Variants in HLTF observed in about 807,000 individuals in gnomAD.
HLTF encodes helicase like transcription factor, also known as DNA-dependent ATPase/E3 ubiquitin-protein ligase HLTF.
Under a neutral mutation model 129.4 loss-of-function variants are expected in HLTF, and 127 were observed. That is an observed-to-expected ratio of 0.98 (90% CI 0.85 to 1.14). HLTF has a LOEUF of 1.14. Among genes scored for constraint, HLTF ranks in the 50% most tolerant of loss-of-function variants. HLTF has a pLI of 0.00. For missense variants in HLTF, 1,139 were observed against 1,187.1 expected, an observed-to-expected ratio of 0.96 and a Z score of 0.60; for synonymous variants, 332 against 388.8, an observed-to-expected ratio of 0.85 and a Z score of 1.72.
At chr3:149,041,177 C>A (rs933099490) in intron 20 of HLTF, among the ~76,000 whole-genome samples, 6 of 152,056 alleles carry the variant, frequency 3.9e-5, no homozygotes, top group Non-Finnish European at 8.8e-5. Flanking sequence ...TTAAAATTAG[C>A]TTAATGTTTC....
In HLTF at chr3:149,034,929, T is replaced by C. The variant is rs576351600; in HGVS notation, c.2866A>G (p.Ile956Val). Reference sequence around the variant, plus strand: ...GTTTAAAAACTCACTTTTGTGATGATAACTTCTTGCTTCTGACCAAGTCTA... The same window carrying C: ...GTTTAAAAACTCACTTTTGTGATGACAACTTCTTGCTTCTGACCAAGTCTA... ...CHRLGQKQEVIITKFIVKDSV... is the reference protein window; with the variant it reads ...CHRLGQKQEVVITKFIVKDSV... The change falls in exon 24 of 25, where the codon ATC (isoleucine) becomes GTC (valine). Residue 956 changes from isoleucine to valine, a missense_variant. Coordinates refer to ENST00000310053, the MANE Select transcript of HLTF (RefSeq NM_003071.4). 1.2e-6 allele frequency: 2 copies of C among 1,612,292 alleles called. No individual in the cohort carries two copies. Among genetic ancestry groups the C allele is most frequent in the Admixed American group, 3.3e-5 (2 of 60,022 alleles).
chr3:149,048,098 A>G lies in HLTF; in HGVS notation c.1822T>C (p.Phe608Leu). ...CTATGCCACCATTCTCTATCAATAAATGGTTTAAGTTTTAAAAAGGAAAGA... is the reference window on the plus strand; with the variant it reads ...CTATGCCACCATTCTCTATCAATAAGTGGTTTAAGTTTTAAAAAGGAAAGA... ...SLLSFLKLKP[F>L]IDREWWHRTI... Residue 608 changes from phenylalanine to leucine, a missense_variant, in exon 17 of 25, where the codon TTT (phenylalanine) becomes CTT (leucine). Transcript: ENST00000310053. The G allele has an allele frequency of 6.2e-7, 1 of 1,613,180 alleles. No homozygotes were observed. Among genetic ancestry groups the G allele is most frequent in the Non-Finnish European group, 8.5e-7 (1 of 1,179,424 alleles).
intron 14 of HLTF, chr3:149,052,171 A>T (rs1448781704): frequency 1.3e-5 from 2 of 150,920 alleles, no homozygotes; most frequent in Non-Finnish European, 2.9e-5. Flanking sequence ...AAAAAAAAAA[A>T]TCAATCCAGC....
intron 8 of HLTF, among the ~76,000 whole-genome samples, chr3:149,067,454 G>A (rs140136313): frequency 1.1e-3 from 160 of 152,078 alleles, no homozygotes; most frequent in African/African-American, 3.7e-3. Flanking sequence ...TGGCTATATC[G>A]TTTAACTGTT....
chr3:149,051,852 G>T (rs1371411562), intron 14 of HLTF, among the ~76,000 whole-genome samples: 1 of 145,456 alleles, frequency 6.9e-6, no homozygotes, highest in Non-Finnish European at 1.5e-5. Flanking sequence ...CCTGGGTGAT[G>T]GAATGAGATT....
At chr3:149,072,625 C>T (rs910250730) in intron 5 of HLTF, among the ~76,000 whole-genome samples, 9 of 152,066 alleles carry the variant, frequency 5.9e-5, no homozygotes, top group Non-Finnish European at 8.8e-5. Flanking sequence ...CAGAAGTAAC[C>T]GGGGGCTTAT....
Position 149,055,294 on chromosome 3 carries a change from A to AAT in HLTF, c.1473+8_1473+9insAT. Reference sequence around the variant, plus strand: ...TTATGTTACATTTTTAAAGGGCTTAAAGACTTACAATCCAGTTGCTTAACA... The same window carrying AAT: ...TTATGTTACATTTTTAAAGGGCTTAAATAGACTTACAATCCAGTTGCTTAACA... On this transcript the variant is annotated intron_variant, in intron 14 of 24. Coordinates refer to ENST00000310053, the MANE Select transcript of HLTF (RefSeq NM_003071.4). 1 of 1,588,468 alleles carries AAT rather than the reference A, an allele frequency of 6.3e-7. No individual in the cohort carries two copies. Among genetic ancestry groups the AAT allele is most frequent in the Non-Finnish European group, 8.6e-7 (1 of 1,157,066 alleles).
rs538764210 is a variant in HLTF at position 149,030,768 on chromosome 3, G to T, written c.*1452C>A. The stretch of plus-strand genomic sequence containing the variant: ...ATCAGCCCTTTCCTTACCTGCTACT[G>T]CCTCAAAAAGGGACCAGGAAGATTC... On this transcript the variant is annotated 3_prime_UTR_variant, in exon 25 of 25. Transcript: ENST00000310053. The T allele has an allele frequency of 2.6e-5, 4 of 152,222 alleles. No homozygotes were observed. In the South Asian group the frequency reaches 8.3e-4, roughly 32 times the overall value. 9.4% of individuals were successfully genotyped at this position (152,222 alleles called of 1,614,324 possible).
chr3:149,077,857 C>T (rs953266267), intron 2 of HLTF, among the ~76,000 whole-genome samples: 9 of 152,100 alleles, frequency 5.9e-5, no homozygotes, highest in East Asian at 5.8e-4. Flanking sequence ...AAAGAATGTA[C>T]GATTTATTAG....
chr3:149,071,444 C>T lies in HLTF; in HGVS notation c.703-1G>A. 1 of 1,608,204 alleles carries T rather than the reference C, an allele frequency of 6.2e-7. No homozygotes were observed. Among genetic ancestry groups the T allele is most frequent in the Non-Finnish European group, 8.5e-7 (1 of 1,177,262 alleles). On this transcript the variant is annotated splice_acceptor_variant, in intron 6 of 24. Coordinates refer to ENST00000310053, the MANE Select transcript of HLTF (RefSeq NM_003071.4). LOFTEE classifies it high-confidence loss of function. ...GTGGAAGCAGTGGTGTTTCAATAGC[C>T]TATAAATAAAAAGTCATAAAGCGAA...
intron 8 of HLTF, among the ~76,000 whole-genome samples, chr3:149,065,981 A>G: frequency 6.6e-6 from 1 of 152,160 alleles, no homozygotes; most frequent in South Asian, 2.1e-4. Context: ...ATAACCATTT[A>G]TATTAAACAG....
intron 13 of HLTF, chr3:149,059,376 C>CA: frequency 2.4e-6 from 1 of 412,550 alleles, no homozygotes; most frequent in Non-Finnish European, 4.7e-6. Context: ...ATTCTAATAC[C>CA]AAAAAATTAA....
intron 23 of HLTF, among the ~76,000 whole-genome samples, chr3:149,036,635 A>T (rs1715657526): frequency 6.6e-6 from 1 of 152,072 alleles, no homozygotes; most frequent in Non-Finnish European, 1.5e-5. Context: ...GGTAAAAGAA[A>T]GCTGGGCACA....
chr3:149,057,934 G>A (rs1459876749), intron 13 of HLTF, among the ~76,000 whole-genome samples: 1 of 152,044 alleles, frequency 6.6e-6, no homozygotes, highest in Non-Finnish European at 1.5e-5. Context: ...GTTACAGATG[G>A]TCTATATTCA....
chr3:149,047,149 C>T (rs116119418), intron 17 of HLTF, among the ~76,000 whole-genome samples: 3,001 of 152,176 alleles, frequency 0.02, 115 homozygotes, highest in African/African-American at 0.068. Flanking sequence ...TTTTATATCC[C>T]ACTAATAGCT....
In HLTF at chr3:149,059,780, A is replaced by G. The variant is rs1425611268; in HGVS notation, c.1313T>C (p.Val438Ala). The change falls in exon 13 of 25, where the codon GTG becomes GCG. Residue 438 changes from valine to alanine, a missense_variant. Val to Ala is a moderately conservative substitution (Grantham distance 64). Transcript: ENST00000310053. ...TGAAGTTAATGCACATGCAAATGCC[A>G]CATCTTCTATAACCTTAGAAGATCC... ...KAGSSKVIED[V>A]AFACALTSSV... 1 of 1,601,618 alleles carries G rather than the reference A, an allele frequency of 6.2e-7. No homozygotes were observed. Among genetic ancestry groups the G allele is most frequent in the Non-Finnish European group, 8.5e-7 (1 of 1,175,592 alleles).
intron 1 of HLTF, among the ~76,000 whole-genome samples, chr3:149,085,921 T>C (rs1720343122): frequency 2.6e-5 from 4 of 152,192 alleles, no homozygotes; most frequent in Non-Finnish European, 5.9e-5. Flanking sequence ...TGCAAATACT[T>C]ATCTGCACGT....
intron 8 of HLTF, among the ~76,000 whole-genome samples, chr3:149,065,121 C>T (rs1214793774): frequency 2.0e-5 from 3 of 150,930 alleles, no homozygotes. Flanking sequence ...AAAGGAATAC[C>T]GAAAGCAAAT....
chr3:149,036,336 T>A (rs1312219630), intron 23 of HLTF, among the ~76,000 whole-genome samples: 1 of 135,494 alleles, frequency 7.4e-6, no homozygotes, highest in African/African-American at 2.9e-5. Flanking sequence ...GTCACCAGGC[T>A]GGAGTGCAGT....
Sources: allele counts gnomAD v4.1 joint callset (sites outside exome capture counted in the v4.1 genomes callset), GRCh38; gene constraint gnomAD v4.1.1; transcripts MANE v1.5; gene names NCBI Gene and HGNC (gene_info 2026-07-23, HGNC 2026-07-21).